Variants in TSC2 observed in about 807,000 individuals in gnomAD.
TSC2 encodes the protein tuberin.
TSC2 carries 29 observed loss-of-function variants against 202.2 expected under a neutral mutation model. That is an observed-to-expected ratio of 0.14 (90% CI 0.11 to 0.20). TSC2 has a LOEUF of 0.20. Ranked by LOEUF, TSC2 falls within the 10% of genes least tolerant of loss-of-function variation. The probability of loss-of-function intolerance (pLI) is 1.00; values close to 1 mark genes in which losing one functional copy is unlikely to be tolerated. For missense variants in TSC2, 2,429 were observed against 2,420.0 expected (o/e 1.00, Z -0.08); for synonymous variants, 1,349 against 1,044.0 (o/e 1.29, Z -5.63).
rs1052613746 is a variant in TSC2 at position 2,089,315 on chromosome 16, G to C, written c.*705G>C. ...GACACACAGTGAGACGGTGCAGGGA[G>C]TACGGTAGGAACTGGAGAGGTAATA... On this transcript the variant is annotated 3_prime_UTR_variant, in exon 42 of 42. Coordinates refer to ENST00000219476, the MANE Select transcript of TSC2 (RefSeq NM_000548.5). The C allele has an allele frequency of 2.5e-5, 7 of 277,342 alleles. No individual in the cohort carries two copies. The highest frequency in any genetic ancestry group is 1.5e-4 in the African/African-American group (7 of 45,694). 17.2% of individuals were successfully genotyped at this position (277,342 alleles called of 1,614,324 possible).
intron 10 of TSC2, among the ~76,000 whole-genome samples, chr16:2,060,309 C>A (rs181944596): frequency 2.0e-5 from 3 of 152,196 alleles, no homozygotes; most frequent in Non-Finnish European, 2.9e-5. Context: ...CCTGCTACCC[C>A]CCTCCCCGTA....
rs751834233 is a variant in TSC2 at position 2,070,587 on chromosome 16, G to A, written c.1839+9G>A. The A allele has an allele frequency of 1.9e-6, 3 of 1,612,850 alleles. No individual in the cohort carries two copies. Among genetic ancestry groups the A allele is most frequent in the Non-Finnish European group, 2.5e-6 (3 of 1,180,014 alleles). On this transcript the variant is annotated intron_variant, in intron 17 of 41. Coordinates refer to ENST00000219476, the MANE Select transcript of TSC2 (RefSeq NM_000548.5). ...GCAGCATCCGGCTGCAGGTATGGTG[G>A]CTGGGGTTGCGCAGCCAGTTCCTGG...
rs1231954434 is a variant in TSC2, at chr16:2,088,158, A to G, written c.5160+19A>G. ...CGCAAATGTGAGTGGGGGTGGGTCC[A>G]GGCGTGAGCTGGTGGGACAGGCCCA... On this transcript the variant is annotated intron_variant, in intron 40 of 41. Transcript: ENST00000219476. 1.2e-6 allele frequency: 2 copies of G among 1,612,892 alleles called. No homozygotes were observed. The highest frequency in any genetic ancestry group is 3.3e-5 in the Admixed American group (2 of 60,004).
chr16:2,052,597 A>G (rs2085268150), intron 3 of TSC2, among the ~76,000 whole-genome samples: 2 of 152,116 alleles, frequency 1.3e-5, no homozygotes, highest in Non-Finnish European at 2.9e-5. Flanking sequence ...GGTGTGAGCC[A>G]CCGCACTTGG....
chr16:2,061,817 C>G (rs2086669937), intron 11 of TSC2, 54 bp from the exon 12 acceptor site: 6 of 1,613,536 alleles, frequency 3.7e-6, no homozygotes, highest in East Asian at 2.2e-5. Flanking sequence ...CCTCTGGTGC[C>G]AAGTCCATGT....
At chr16:2,057,218 C>G in intron 9 of TSC2, 40 bp downstream of exon 9, 2 of 1,550,284 alleles carry the variant, frequency 1.3e-6, no homozygotes, top group Non-Finnish European at 8.7e-7. Context: ...TGGAGGCCAG[C>G]ACAGCCCTCG....
chr16:2,070,998 G>A (rs552173304), intron 17 of TSC2, among the ~76,000 whole-genome samples: 1 of 152,228 alleles, frequency 6.6e-6, no homozygotes, highest in East Asian at 1.9e-4. Context: ...GGCAGGGCAG[G>A]GATGGGCAGA....
intron 30 of TSC2, chr16:2,081,287 C>CTGTGG (rs1462455669): frequency 3.4e-5 from 15 of 440,334 alleles, no homozygotes; most frequent in African/African-American, 2.9e-4. Flanking sequence ...CCTGGGTGTG[C>CTGTGG]CGTGGCTGAG....
At position 2,054,403 on chromosome 16, in the gene TSC2, C is replaced by T. The variant is rs767968378; in HGVS notation, c.444C>T (p.Asp148=). 49 of 1,614,110 alleles carry T rather than the reference C, an allele frequency of 3.0e-5. No homozygotes were observed. In the South Asian group the frequency reaches 4.8e-4, roughly 16 times the overall value. ...TGGAGGTTTTCAAGGCCCTCACAGA[C>T]AATGGGAGACACATCACCTACTTGG... ...ERLEVFKALT[D]NGRHITYLEE... is the part of the protein sequence containing the mutation. Residue 148 remains aspartate, a synonymous_variant, in exon 5 of 42, where the codon GAC becomes GAT. Transcript: ENST00000219476.
intron 6 of TSC2, 131 bp from the exon 7 acceptor site, chr16:2,056,065 T>TTGGG: frequency 1.7e-6 from 2 of 1,158,232 alleles, no homozygotes; most frequent in Admixed American, 1.9e-5. Context: ...TGAGTGCTTG[T>TTGGG]TGGGTGGGTG....
Position 2,088,551 on chromosome 16 carries a change from G to A in TSC2, c.5365G>A (p.Glu1789Lys), listed in dbSNP as rs45517420. 1.9e-6 allele frequency: 3 copies of A among 1,611,716 alleles called. No individual in the cohort carries two copies. The highest frequency in any genetic ancestry group is 2.5e-6 in the Non-Finnish European group (3 of 1,179,908). Residue 1789 changes from glutamate (E) to lysine (K), a missense_variant, in exon 42 of 42, where the codon GAG becomes AAG. Coordinates refer to ENST00000219476, the MANE Select transcript of TSC2 (RefSeq NM_000548.5). Reference protein sequence around the residue: ...QTPAEPTPGYEVGQRKRLISS... With the variant: ...QTPAEPTPGYKVGQRKRLISS... ...TCCAGCCGAGCCCACACCTGGCTAT[G>A]AGGTGGGCCAGCGGAAGCGCCTCAT...
At chr16:2,064,821 A>G (rs2087096218) in intron 15 of TSC2, 3 of 324,496 alleles carry the variant, frequency 9.2e-6, no homozygotes, top group African/African-American at 4.3e-5. Flanking sequence ...CTTTTGAGCA[A>G]TAAAGATGAA....
rs1221885368 is a variant in TSC2, at chr16:2,055,389, G to A, written c.482-13G>A. The A allele has an allele frequency of 3.1e-6, 5 of 1,611,708 alleles. No homozygotes were observed. Among genetic ancestry groups the A allele is most frequent in the Non-Finnish European group, 4.2e-6 (5 of 1,177,954 alleles). On this transcript the variant is annotated splice_polypyrimidine_tract_variant and intron_variant, in intron 5 of 41. Coordinates refer to ENST00000219476, the MANE Select transcript of TSC2 (RefSeq NM_000548.5). ...TTCGGCGTCCTCGCAAACTGCCGCC[G>A]CTTCTCCCCCAGCTGACTTTGTCCT... is the stretch of plus-strand genomic sequence containing the variant.
intron 38 of TSC2, 85 bp from the exon 39 acceptor site, chr16:2,087,778 G>A: frequency 6.7e-7 from 1 of 1,489,506 alleles, no homozygotes; most frequent in Non-Finnish European, 9.2e-7. Context: ...GCTGACAGGT[G>A]TCTAGCAGTG....
chr16:2,081,374 G>C (rs1335747707), intron 30 of TSC2: 2 of 628,032 alleles, frequency 3.2e-6, no homozygotes, highest in Non-Finnish European at 5.7e-6. Flanking sequence ...GGAGGCCGCT[G>C]CTCTGAGGTG....
At chr16:2,076,403 C>A in intron 24 of TSC2, 88 bp from the exon 25 acceptor site, 1 of 1,593,464 alleles carries the variant, frequency 6.3e-7, no homozygotes, top group Non-Finnish European at 8.6e-7. Flanking sequence ...TGCAGCTTGT[C>A]CCTGGCCAGG....
At chr16:2,064,456 G>C (rs745475112) in intron 15 of TSC2, 29 bp downstream of exon 15, 1 of 1,612,050 alleles carries the variant, frequency 6.2e-7, no homozygotes, top group Non-Finnish European at 8.5e-7. Context: ...GGGGCCGGGT[G>C]CTAGCGTGCC....
rs181279399 is a variant in TSC2 at position 2,081,665 on chromosome 16, C to T, written c.3681C>T (p.Pro1227=). ...SPFSSDINNM[P]LQELSNALMA... Reference sequence around the variant, plus strand: ...TCTCCTCGGACATCAACAACATGCCCCTGCAGGAGCTGTCTAACGCCCTCA... The same window carrying T: ...TCTCCTCGGACATCAACAACATGCCTCTGCAGGAGCTGTCTAACGCCCTCA... The change falls in exon 31 of 42, where the codon CCC becomes CCT. Residue 1227 remains proline, a synonymous_variant. Coordinates refer to ENST00000219476, the MANE Select transcript of TSC2 (RefSeq NM_000548.5). 7.4e-6 allele frequency: 12 copies of T among 1,612,982 alleles called. No homozygotes were observed. The highest frequency in any genetic ancestry group is 3.3e-5 in the South Asian group (3 of 91,088).
rs377238278 is a variant in TSC2 at position 2,077,740 on chromosome 16, C to T, written c.2966+14C>T. 26 of 1,611,324 alleles carry T rather than the reference C, an allele frequency of 1.6e-5. No homozygotes were observed. Among genetic ancestry groups the T allele is most frequent in the African/African-American group, 1.3e-4 (10 of 74,930 alleles). ...TGTGGTCCGCAGGTAGCGGGACTGT[C>T]GGGTGGGGGGCACGGACCCTGGAGC... is the stretch of plus-strand genomic sequence containing the variant. On this transcript the variant is annotated intron_variant, in intron 26 of 41. Coordinates refer to ENST00000219476, the MANE Select transcript of TSC2 (RefSeq NM_000548.5).
Sources: allele counts gnomAD v4.1 joint callset (sites outside exome capture counted in the v4.1 genomes callset), GRCh38; gene constraint gnomAD v4.1.1; transcripts MANE v1.5; gene names NCBI Gene and HGNC (gene_info 2026-07-23, HGNC 2026-07-21).